The following PTPRC variants were observed in gnomAD, a reference collection of about 807,000 sequenced individuals.
The protein encoded by PTPRC is receptor-type tyrosine-protein phosphatase C.
Under a neutral mutation model 155.9 loss-of-function variants are expected in PTPRC, and 44 were observed. The ratio of observed to expected loss-of-function variants is 0.28; its 90% CI spans 0.22 to 0.36. PTPRC has a LOEUF of 0.36. Among genes scored for constraint, PTPRC ranks in the 10% least tolerant of loss-of-function variants. PTPRC has a pLI of 1.00. For synonymous variants in PTPRC, 525 were observed against 533.1 expected, an observed-to-expected ratio of 0.98 and a Z score of 0.21; for missense variants, 1,401 against 1,564.6, an observed-to-expected ratio of 0.90 and a Z score of 1.76.
At chr1:198,643,202 G>A (rs1228120826) in intron 2 of PTPRC, among the ~76,000 whole-genome samples, 1 of 151,550 alleles carries the variant, frequency 6.6e-6, no homozygotes, top group Non-Finnish European at 1.5e-5. Flanking sequence ...TTGTGATGAT[G>A]ATTGATGATG....
In PTPRC at chr1:198,756,074, C is replaced by A. The variant is rs1558043497; in HGVS notation, c.3814C>A (p.Pro1272Thr). ...TCCACTTGGTGCCCCAGAAAAGCTC[C>A]CTGAAGCAAAGGAACAGGCTGAAGG... is the stretch of plus-strand genomic sequence containing the variant. The part of the protein sequence containing the change: ...VNPLGAPEKL[P>T]EAKEQAEGSE... The change falls in exon 33 of 33, where the codon CCT becomes ACT. Residue 1272 changes from proline to threonine, a missense_variant. By Grantham distance (38) the Pro-to-Thr change is conservative (BLOSUM62 -1). This residue lies in a region of PTPRC where 400 missense variants were observed against 389.5 expected (regional missense o/e 1.03). Transcript: ENST00000442510. 5 of 1,613,270 alleles carry A rather than the reference C, an allele frequency of 3.1e-6. No individual in the cohort carries two copies. The African/African-American group carries it at 4.0e-5, about 13-fold the overall frequency.
At chr1:198,744,500 A>G (rs539796063) in intron 26 of PTPRC, among the ~76,000 whole-genome samples, 1 of 152,024 alleles carries the variant, frequency 6.6e-6, no homozygotes, top group South Asian at 2.1e-4. Flanking sequence ...TATAGCCACA[A>G]AACTGGTCTG....
Position 198,649,142 on chromosome 1 carries a change from A to C in PTPRC, c.73+9801A>C, listed in dbSNP as rs115106262. ...TTGAGGAGACTAAAACAAAACAAAA[A>C]AAAATTATTGTTTGGTTCATTTGAT... is the stretch of plus-strand genomic sequence containing the variant. On this transcript the variant is annotated intron_variant, in intron 2 of 32. Transcript: ENST00000442510. Among the ~76,000 whole-genome samples the C allele has an allele frequency of 5.9e-3, 898 of 151,980 alleles. 14 individuals carry two copies. Among genetic ancestry groups the C allele is most frequent in the African/African-American group, 0.02 (815 of 41,530 alleles).
At position 198,756,883 on chromosome 1, in the gene PTPRC, G is replaced by A. The variant is rs1655702908; in HGVS notation, c.*702G>A. ...TGAGCTTATCATGCTGTCTTTACAT[G>A]GGGTTTTCAATTTTGCATGCTCGAT... On this transcript the variant is annotated 3_prime_UTR_variant, in exon 33 of 33. Coordinates refer to ENST00000442510, the MANE Select transcript of PTPRC (RefSeq NM_002838.5). 3.3e-5 allele frequency: 5 copies of A among 151,706 alleles called. No homozygotes were observed. The highest frequency in any genetic ancestry group is 3.3e-4 in the Admixed American group (5 of 15,204). 9.4% of individuals were successfully genotyped at this position (151,706 alleles called of 1,614,324 possible).
chr1:198,688,259 G>C (rs920807650), intron 2 of PTPRC, among the ~76,000 whole-genome samples: 16 of 152,038 alleles, frequency 1.1e-4, no homozygotes, highest in Non-Finnish European at 2.1e-4. Flanking sequence ...CAATTCAAGA[G>C]GCCTTTATGG....
At position 198,756,763 on chromosome 1, in the gene PTPRC, G is replaced by GTTGT. The variant is rs1571901102; in HGVS notation, c.*584_*587dup. The GTTGT allele has an allele frequency of 6.6e-6, 1 of 151,994 alleles. No homozygotes were observed. Among genetic ancestry groups the GTTGT allele is most frequent in the East Asian group, 1.9e-4 (1 of 5,144 alleles). The allele number at this position is 151,994 out of a possible 1,614,324, so 9.4% of individuals were successfully genotyped here. ...TGTGTGTGTATGCTACTACAAAAAA[G>GTTGT]TTGTTAACTAAATTAACATTGGGAA... On this transcript the variant is annotated 3_prime_UTR_variant, in exon 33 of 33. Coordinates refer to ENST00000442510, the MANE Select transcript of PTPRC (RefSeq NM_002838.5).
chr1:198,649,519 A>T (rs940431513), intron 2 of PTPRC, among the ~76,000 whole-genome samples: 7 of 151,878 alleles, frequency 4.6e-5, no homozygotes, highest in African/African-American at 1.7e-4. Flanking sequence ...CAAATGTTGG[A>T]TTCAGACAAT....
intron 26 of PTPRC, among the ~76,000 whole-genome samples, chr1:198,745,523 G>C (rs1179013865): frequency 1.3e-5 from 2 of 151,884 alleles, no homozygotes; most frequent in Non-Finnish European, 2.9e-5. Flanking sequence ...TGCTTGAAGG[G>C]TATAAACTAG....
At chr1:198,726,817 AATT>A (rs1386188901) in intron 15 of PTPRC, among the ~76,000 whole-genome samples, 1 of 150,992 alleles carries the variant, frequency 6.6e-6, no homozygotes. Context: ...AAAAATGCAT[AATT>A]ATTTCATTTG....
At chr1:198,732,814 C>G (rs1654455955) in intron 20 of PTPRC, among the ~76,000 whole-genome samples, 1 of 151,768 alleles carries the variant, frequency 6.6e-6, no homozygotes, top group Non-Finnish European at 1.5e-5. Context: ...CTATTATGTG[C>G]TAGATATTAG....
At chr1:198,708,561 A>G (rs1653120026) in intron 10 of PTPRC, among the ~76,000 whole-genome samples, 1 of 152,210 alleles carries the variant, frequency 6.6e-6, no homozygotes, top group African/African-American at 2.4e-5. Context: ...TGTTATACAC[A>G]GGCATTGTTG....
chr1:198,674,037 G>A (rs981502181), intron 2 of PTPRC, among the ~76,000 whole-genome samples: 3 of 152,182 alleles, frequency 2.0e-5, no homozygotes, highest in African/African-American at 7.2e-5. Flanking sequence ...TAAAGCAGCA[G>A]TCAAAAAGTT....
chr1:198,664,596 C>T (rs771704084), intron 2 of PTPRC, among the ~76,000 whole-genome samples: 3 of 152,130 alleles, frequency 2.0e-5, no homozygotes, highest in Non-Finnish European at 2.9e-5. Context: ...GCCTTTAATA[C>T]TATATAGTGA....
intron 25 of PTPRC, among the ~76,000 whole-genome samples, chr1:198,742,616 C>A (rs1271137011): frequency 6.6e-6 from 1 of 151,722 alleles, no homozygotes; most frequent in East Asian, 1.9e-4. Context: ...CTACTGTTAA[C>A]ATATATCAGA....
rs2102437019 is a variant in PTPRC, at chr1:198,715,763, GTATACCCCT to G, written c.1292-917_1292-909del. ...GTGATGGTTAAATTAATTATTTCATGTATACCCCTTGAAACAGTGCTTGGCACATACAGT... is the reference window on the plus strand; with the variant it reads ...GTGATGGTTAAATTAATTATTTCATGTGAAACAGTGCTTGGCACATACAGT... On this transcript the variant is annotated intron_variant, in intron 12 of 32. Transcript: ENST00000442510. Among the ~76,000 whole-genome samples the G allele has an allele frequency of 2.0e-5, 3 of 152,154 alleles. No individual in the cohort carries two copies. In the South Asian group the frequency reaches 6.2e-4, roughly 32 times the overall value.
At chr1:198,649,544 T>G (rs1571779344) in intron 2 of PTPRC, among the ~76,000 whole-genome samples, 1 of 151,878 alleles carries the variant, frequency 6.6e-6, no homozygotes, top group Admixed American at 6.6e-5. Context: ...ACTTTTAAAG[T>G]ACTTAAAGAA....
intron 17 of PTPRC, 25 bp downstream of exon 17, chr1:198,729,196 G>A (rs1654277933): frequency 6.3e-7 from 1 of 1,595,194 alleles, no homozygotes; most frequent in East Asian, 2.3e-5. Flanking sequence ...TTTTGCTGAT[G>A]ACTATTCCTT....
chr1:198,691,132 A>G (rs552541563), intron 2 of PTPRC, among the ~76,000 whole-genome samples: 2 of 152,114 alleles, frequency 1.3e-5, no homozygotes, highest in Admixed American at 1.3e-4. Context: ...TATCCTGGAC[A>G]CTTCTCTTTT....
At chr1:198,726,255 T>C (rs1480000421) in intron 15 of PTPRC, among the ~76,000 whole-genome samples, 1 of 152,180 alleles carries the variant, frequency 6.6e-6, no homozygotes, top group Non-Finnish European at 1.5e-5. Flanking sequence ...CTGATTGATA[T>C]ATGTATACTA....
Sources: allele counts gnomAD v4.1 joint callset (sites outside exome capture counted in the v4.1 genomes callset), GRCh38; gene constraint gnomAD v4.1.1; regional missense constraint gnomAD v4.1.1; transcripts MANE v1.5; gene names NCBI Gene and HGNC (gene_info 2026-07-23, HGNC 2026-07-21).